The following DLG2 variants were observed in gnomAD, a reference collection of about 807,000 sequenced individuals.
The protein encoded by DLG2 is discs large MAGUK scaffold protein 2.
In DLG2, 45 loss-of-function variants were observed where a neutral mutation model predicts 132.5. The observed-to-expected ratio is 0.34, with a 90% CI of 0.27 to 0.44. DLG2 has a LOEUF of 0.44. DLG2 is among the 20% of genes least tolerant of loss of function. The pLI is 1.00. For synonymous variants in DLG2, 424 were observed against 419.6 expected (o/e 1.01, Z -0.13); for missense variants, 1,045 against 1,196.9 (o/e 0.87, Z 1.87).
intron 6 of DLG2, among the ~76,000 whole-genome samples, chr11:84,695,811 G>T (rs1350005668): frequency 6.6e-6 from 1 of 151,410 alleles, no homozygotes; most frequent in Admixed American, 6.6e-5. Flanking sequence ...AGTAATACAT[G>T]TAGGTGTTTT....
At chr11:84,925,021 A>G (rs760104622) in intron 6 of DLG2, among the ~76,000 whole-genome samples, 6 of 152,210 alleles carry the variant, frequency 3.9e-5, no homozygotes, top group Non-Finnish European at 8.8e-5. Flanking sequence ...TAACAACTCA[A>G]TGCCATGCAA....
chr11:84,203,581 C>CAAAA (rs58934857), intron 8 of DLG2, among the ~76,000 whole-genome samples: 73,713 of 98,636 alleles, frequency 0.75, 28,925 homozygotes, highest in Middle Eastern at 0.87. Context: ...GACTCCGTCT[C>CAAAA]AAAAAAAAAA....
chr11:84,569,091 T>C (rs1391778021), intron 6 of DLG2, among the ~76,000 whole-genome samples: 2 of 152,080 alleles, frequency 1.3e-5, no homozygotes, highest in East Asian at 3.9e-4. Context: ...CAGCCAGTGG[T>C]CTCACTGAAC....
chr11:84,636,195 CAT>C (rs1491294284), intron 6 of DLG2, among the ~76,000 whole-genome samples: 4 of 152,164 alleles, frequency 2.6e-5, no homozygotes, highest in Non-Finnish European at 5.9e-5. Context: ...TGTATATGCA[CAT>C]GTGTGTGTGT....
chr11:84,974,437 T>C (rs1212375829), intron 6 of DLG2, among the ~76,000 whole-genome samples: 1 of 152,176 alleles, frequency 6.6e-6, no homozygotes, highest in Non-Finnish European at 1.5e-5. Context: ...ACCTGTAGAA[T>C]GGCCATAATT....
intron 3 of DLG2, among the ~76,000 whole-genome samples, chr11:85,298,709 A>G (rs2079398230): frequency 6.6e-6 from 1 of 152,016 alleles, no homozygotes; most frequent in Non-Finnish European, 1.5e-5. Context: ...CAGGAAATTA[A>G]CCAATGTCCC....
intron 3 of DLG2, among the ~76,000 whole-genome samples, chr11:85,381,727 A>G (rs983706249): frequency 3.9e-5 from 6 of 152,210 alleles, no homozygotes; most frequent in African/African-American, 1.2e-4. Context: ...CAGTCCAAAA[A>G]TAAAATTTAG....
At chr11:84,666,466 A>C (rs1188564375) in intron 6 of DLG2, among the ~76,000 whole-genome samples, 2 of 152,048 alleles carry the variant, frequency 1.3e-5, no homozygotes, top group Non-Finnish European at 2.9e-5. Flanking sequence ...TTATGTATAT[A>C]TCTATATATG....
chr11:84,348,235 T>A (rs891912298), intron 7 of DLG2, among the ~76,000 whole-genome samples: 1 of 152,232 alleles, frequency 6.6e-6, no homozygotes, highest in African/African-American at 2.4e-5. Context: ...TTTCTAGTAC[T>A]ATTTAACAAA....
intron 11 of DLG2, among the ~76,000 whole-genome samples, chr11:84,050,095 G>A (rs1425463591): frequency 6.6e-6 from 1 of 150,938 alleles, no homozygotes; most frequent in Non-Finnish European, 1.5e-5. Flanking sequence ...GGCTGGAGGA[G>A]AAAGAGATCA....
chr11:83,770,898 A>G (rs12285846), intron 18 of DLG2, among the ~76,000 whole-genome samples: 1 of 152,130 alleles, frequency 6.6e-6, no homozygotes, highest in Non-Finnish European at 1.5e-5. Flanking sequence ...GCTTTCAATA[A>G]GAAAATTAAA....
At chr11:83,707,819 C>T (rs1419280005) in intron 18 of DLG2, among the ~76,000 whole-genome samples, 1 of 152,196 alleles carries the variant, frequency 6.6e-6, no homozygotes, top group Non-Finnish European at 1.5e-5. Flanking sequence ...ATCCCAGCAC[C>T]CAGCACACAT....
chr11:84,267,445 C>T (rs1350834841), intron 7 of DLG2, among the ~76,000 whole-genome samples: 2 of 152,166 alleles, frequency 1.3e-5, no homozygotes, highest in African/African-American at 2.4e-5. Context: ...TCTTCAACTC[C>T]GTCCTTCATC....
chr11:84,880,813 G>A (rs1293209167), intron 6 of DLG2, among the ~76,000 whole-genome samples: 1 of 151,960 alleles, frequency 6.6e-6, no homozygotes, highest in African/African-American at 2.4e-5. Context: ...AATTCAATAT[G>A]GTCTAAGCTC....
At chr11:84,174,130 C>G (rs1169008335) in intron 8 of DLG2, among the ~76,000 whole-genome samples, 1 of 148,434 alleles carries the variant, frequency 6.7e-6, no homozygotes, top group Non-Finnish European at 1.5e-5. Flanking sequence ...CTGCAGTCTA[C>G]CACTCTATAT....
intron 6 of DLG2, among the ~76,000 whole-genome samples, chr11:84,780,084 A>G (rs746154733): frequency 7.9e-5 from 12 of 152,104 alleles, no homozygotes; most frequent in Non-Finnish European, 1.8e-4. Flanking sequence ...CACAACAAAA[A>G]TAGAAAATTA....
chr11:84,870,929 T>G (rs2085371123), intron 6 of DLG2, among the ~76,000 whole-genome samples: 1 of 152,242 alleles, frequency 6.6e-6, no homozygotes, highest in Non-Finnish European at 1.5e-5. Context: ...CAGAATCTAT[T>G]ATGTAAAAGA....
intron 21 of DLG2, among the ~76,000 whole-genome samples, chr11:83,502,376 C>G (rs1179295398): frequency 6.6e-6 from 1 of 152,150 alleles, no homozygotes; most frequent in Non-Finnish European, 1.5e-5. Flanking sequence ...TTTTACTCTG[C>G]TCTCAGTGGA....
chr11:84,467,929 T>A (rs957229340), intron 7 of DLG2, among the ~76,000 whole-genome samples: 2 of 151,544 alleles, frequency 1.3e-5, no homozygotes, highest in Non-Finnish European at 3.0e-5. Context: ...ATATTTGGCA[T>A]ACTGCTAACA....
Sources: gnomAD v4.1 joint callset for allele counts (sites outside exome capture counted in the v4.1 genomes callset) on GRCh38, gnomAD v4.1.1 for gene constraint, MANE v1.5 for transcripts, NCBI Gene and HGNC (gene_info 2026-07-23, HGNC 2026-07-21) for gene names.